Variants in NBAS observed in about 807,000 individuals in gnomAD.
NBAS encodes NAG/BC035112 fusion.
In NBAS, 219 loss-of-function variants were observed where a neutral mutation model predicts 302.5. The ratio of observed to expected loss-of-function variants is 0.72; its 90% confidence interval spans 0.65 to 0.81. The LOEUF (loss-of-function observed/expected upper bound fraction) is 0.81. NBAS is among the 30% of genes least tolerant of loss of function. NBAS has a pLI of 0.00. For synonymous variants in NBAS, 1,118 were observed against 1,021.6 expected (o/e 1.09, Z -1.80); for missense variants, 2,932 against 2,841.6 (o/e 1.03, Z -0.72).
At chr2:15,150,411 T>C in the NBAS span, among the ~76,000 whole-genome samples, 1 of 152,196 alleles carries the variant, frequency 6.6e-6, no homozygotes, top group African/African-American at 2.4e-5. Flanking sequence ...GATATGCAAT[T>C]TGAGAACTCC....
the NBAS span, among the ~76,000 whole-genome samples, chr2:15,097,029 A>C: frequency 6.6e-6 from 1 of 152,194 alleles, no homozygotes; most frequent in Admixed American, 6.5e-5. Flanking sequence ...GACAGAGAAG[A>C]GAAGGATGCA....
chr2:14,863,774 C>T, the NBAS span, among the ~76,000 whole-genome samples: 1 of 152,194 alleles, frequency 6.6e-6, no homozygotes, highest in African/African-American at 2.4e-5. Context: ...GAGATTTAAA[C>T]ATTATATTCC....
intron 48 of NBAS, among the ~76,000 whole-genome samples, chr2:15,195,233 G>A (rs950915759): frequency 3.3e-5 from 5 of 152,160 alleles, no homozygotes; most frequent in Admixed American, 2.6e-4. Context: ...AGGTGATTGG[G>A]TCACGAGAGT....
At chr2:15,540,423 G>A (rs1373174436) in intron 6 of NBAS, among the ~76,000 whole-genome samples, 1 of 151,748 alleles carries the variant, frequency 6.6e-6, no homozygotes, top group Non-Finnish European at 1.5e-5. Context: ...CCTACTAACA[G>A]GTCTTCTGCC....
chr2:15,374,531 T>G (rs1674639028), intron 31 of NBAS, 77 bp downstream of exon 31: 3 of 1,297,172 alleles, frequency 2.3e-6, no homozygotes, highest in Non-Finnish European at 3.4e-6. Flanking sequence ...CTCTTTAGTT[T>G]TAAAAACTAA....
At chr2:15,251,459 T>C (rs2380647) in intron 44 of NBAS, among the ~76,000 whole-genome samples, 7,986 of 152,056 alleles carry the variant, frequency 0.053, 304 homozygotes, top group African/African-American at 0.1. Flanking sequence ...AGTATAATAA[T>C]AAAAAACAAA....
the NBAS span, among the ~76,000 whole-genome samples, chr2:14,846,543 C>T: frequency 7.4e-6 from 1 of 134,264 alleles, no homozygotes; most frequent in African/African-American, 3.5e-5. Flanking sequence ...TATGATAAAA[C>T]TGTAGCTGTG....
At chr2:15,417,026 C>T (rs1676972684) in intron 24 of NBAS, among the ~76,000 whole-genome samples, 1 of 152,148 alleles carries the variant, frequency 6.6e-6, no homozygotes, top group Admixed American at 6.5e-5. Flanking sequence ...TGCCTGTTGA[C>T]TCAGTGGCCG....
At chr2:15,509,534 T>C (rs543687533) in intron 10 of NBAS, among the ~76,000 whole-genome samples, 1 of 152,304 alleles carries the variant, frequency 6.6e-6, no homozygotes, top group East Asian at 1.9e-4. Context: ...TTGGGTTAAA[T>C]CACAGTTACA....
the NBAS span, among the ~76,000 whole-genome samples, chr2:14,918,926 G>A: frequency 1.3e-5 from 2 of 152,090 alleles, no homozygotes; most frequent in Admixed American, 6.5e-5. Context: ...AGAAGGAATA[G>A]GGATGGCACA....
chr2:15,079,789 G>A, the NBAS span, among the ~76,000 whole-genome samples: 2 of 152,088 alleles, frequency 1.3e-5, no homozygotes, highest in Non-Finnish European at 1.5e-5. Flanking sequence ...TCTAGCAGGC[G>A]GTTAGCACTT....
chr2:15,178,195 T>C (rs1432597070), intron 51 of NBAS: 1 of 468,350 alleles, frequency 2.1e-6, no homozygotes, highest in South Asian at 1.6e-5. Flanking sequence ...CATGCATGTG[T>C]ATATATACAT....
chr2:15,365,273 G>C (rs1674143397), intron 32 of NBAS, among the ~76,000 whole-genome samples: 1 of 152,152 alleles, frequency 6.6e-6, no homozygotes, highest in Non-Finnish European at 1.5e-5. Flanking sequence ...AGACAAAAGA[G>C]GAAACAAATC....
chr2:15,478,674 G>C (rs1680297523), intron 12 of NBAS, among the ~76,000 whole-genome samples: 1 of 152,180 alleles, frequency 6.6e-6, no homozygotes, highest in Admixed American at 6.5e-5. Context: ...ACCCCTCCAG[G>C]CTTTAATTTT....
chr2:15,505,708 T>A (rs961215733), intron 10 of NBAS, among the ~76,000 whole-genome samples: 1 of 152,126 alleles, frequency 6.6e-6, no homozygotes, highest in African/African-American at 2.4e-5. Flanking sequence ...TTTGCAGACA[T>A]GAGAAGACAA....
At chr2:15,092,459 G>A in the NBAS span, among the ~76,000 whole-genome samples, 1 of 152,210 alleles carries the variant, frequency 6.6e-6, no homozygotes, top group African/African-American at 2.4e-5. Context: ...GGAGAGTTCA[G>A]AGTAAAGATT....
chr2:15,536,655 T>G, intron 7 of NBAS, 104 bp from the exon 8 acceptor site: 2 of 1,058,920 alleles, frequency 1.9e-6, no homozygotes, highest in Non-Finnish European at 2.8e-6. Flanking sequence ...CAGGTACACT[T>G]TATGTAAGAT....
the NBAS span, among the ~76,000 whole-genome samples, chr2:15,055,394 CCTT>C: frequency 7.2e-5 from 11 of 152,086 alleles, no homozygotes; most frequent in Admixed American, 7.2e-4. Context: ...AATCATGAGC[CCTT>C]CTTCTACCTT....
chr2:14,982,180 G>C, the NBAS span, among the ~76,000 whole-genome samples: 1 of 152,146 alleles, frequency 6.6e-6, no homozygotes, highest in Admixed American at 6.5e-5. Flanking sequence ...CTGGTTGACT[G>C]ATCAAGCTGA....
Sources: gnomAD v4.1 joint callset for allele counts (sites outside exome capture counted in the v4.1 genomes callset) on GRCh38, gnomAD v4.1.1 for gene constraint, MANE v1.5 for transcripts, NCBI Gene and HGNC (gene_info 2026-07-23, HGNC 2026-07-21) for gene names.